Variants in GNG2 observed in about 807,000 individuals in gnomAD.
The protein encoded by GNG2 is guanine nucleotide-binding protein G(I)/G(S)/G(O) subunit gamma-2.
A neutral mutation model predicts 5.5 loss-of-function variants in GNG2; 5 were observed. That is an observed-to-expected ratio of 0.91 (90% CI 0.48 to 1.92). The LOEUF (loss-of-function observed/expected upper bound fraction) is 1.92, where lower values mean the gene tolerates loss of function less well. Ranked by LOEUF, GNG2 falls within the 30% of genes most tolerant of loss-of-function variation. The probability of loss-of-function intolerance (pLI) is 0.01; values close to 1 mark genes in which losing one functional copy is unlikely to be tolerated. For missense variants in GNG2, 55 were observed against 88.4 expected (o/e 0.62, Z 1.52); for synonymous variants, 28 against 32.0 (o/e 0.88, Z 0.42).
At chr14:51,827,155 A>G (rs1881051033) in intron 1 of GNG2, among the ~76,000 whole-genome samples, 1 of 152,224 alleles carries the variant, frequency 6.6e-6, no homozygotes, top group Non-Finnish European at 1.5e-5. Context: ...CCCAAGCCAC[A>G]TCCCAGGTGA....
intron 2 of GNG2, among the ~76,000 whole-genome samples, chr14:51,843,343 G>T (rs1346656911): frequency 6.6e-6 from 1 of 151,966 alleles, no homozygotes; most frequent in African/African-American, 2.4e-5. Context: ...ACACCTGACT[G>T]CCAACTGCTA....
At chr14:51,924,205 C>A (rs1158501485) in intron 2 of GNG2, among the ~76,000 whole-genome samples, 2 of 152,120 alleles carry the variant, frequency 1.3e-5, no homozygotes, top group African/African-American at 4.8e-5. Context: ...TCACTTGAGC[C>A]CGGTTTCTTA....
intron 2 of GNG2, among the ~76,000 whole-genome samples, chr14:51,880,321 ATTAT>A (rs1360939580): frequency 6.6e-6 from 1 of 152,182 alleles, no homozygotes; most frequent in African/African-American, 2.4e-5. Context: ...TATTTTATGT[ATTAT>A]TTATTAGGCT....
intron 2 of GNG2, among the ~76,000 whole-genome samples, chr14:51,902,608 A>T (rs1885641174): frequency 6.6e-6 from 1 of 152,250 alleles, no homozygotes; most frequent in South Asian, 2.1e-4. Flanking sequence ...AATTAAAGAA[A>T]TAGGCTAGGC....
chr14:51,923,355 G>T (rs541886749), intron 2 of GNG2, among the ~76,000 whole-genome samples: 156 of 152,214 alleles, frequency 1.0e-3, no homozygotes, highest in African/African-American at 3.6e-3. Flanking sequence ...GAACTGTAGA[G>T]GTTAAGAGAG....
intron 1 of GNG2, among the ~76,000 whole-genome samples, chr14:51,869,566 G>A (rs1883163527): frequency 6.6e-6 from 1 of 152,228 alleles, no homozygotes; most frequent in Non-Finnish European, 1.5e-5. Context: ...AGGCTGGGGT[G>A]CAGTGGCATG....
intron 2 of GNG2, among the ~76,000 whole-genome samples, chr14:51,897,005 T>C (rs1382893226): frequency 2.0e-5 from 3 of 152,194 alleles, no homozygotes; most frequent in Non-Finnish European, 2.9e-5. Flanking sequence ...GGAGGAATAG[T>C]GTTGAAACAA....
At chr14:51,881,701 C>CTTTT (rs58544362) in intron 2 of GNG2, among the ~76,000 whole-genome samples, 31 of 104,212 alleles carry the variant, frequency 3.0e-4, no homozygotes, top group Admixed American at 4.1e-4. Context: ...AGCTGGAAGA[C>CTTTT]TTTTTTTTTT....
chr14:51,952,883 A>G (rs1183533092), intron 3 of GNG2, among the ~76,000 whole-genome samples: 1 of 152,192 alleles, frequency 6.6e-6, no homozygotes, highest in Non-Finnish European at 1.5e-5. Context: ...ATTCCTCTTT[A>G]TTGAAAATCA....
chr14:51,926,660 G>A (rs1200616393), intron 2 of GNG2, among the ~76,000 whole-genome samples: 2 of 152,198 alleles, frequency 1.3e-5, no homozygotes, highest in Non-Finnish European at 2.9e-5. Flanking sequence ...ATTTTGCAGA[G>A]GGGAGGAGCC....
At chr14:51,859,013 C>T (rs952836165), upstream of GNG2, among the ~76,000 whole-genome samples, 6 of 152,190 alleles carry the variant, frequency 3.9e-5, no homozygotes, top group Non-Finnish European at 7.3e-5. Context: ...TCTAGGTTAA[C>T]GTGCTGTGGT....
intron 2 of GNG2, among the ~76,000 whole-genome samples, chr14:51,909,999 T>G (rs1423908119): frequency 1.3e-5 from 2 of 152,210 alleles, no homozygotes; most frequent in Non-Finnish European, 2.9e-5. Context: ...CATTCATGGA[T>G]TCATTCAACA....
chr14:51,959,082 A>T (rs1239098791), intron 3 of GNG2, among the ~76,000 whole-genome samples: 1 of 151,730 alleles, frequency 6.6e-6, no homozygotes, highest in Non-Finnish European at 1.5e-5. Flanking sequence ...TTCACAGGCT[A>T]CTCCTTTTAA....
chr14:51,913,706 CTAGAT>C (rs1289231472), intron 2 of GNG2, among the ~76,000 whole-genome samples: 1 of 152,062 alleles, frequency 6.6e-6, no homozygotes, highest in Non-Finnish European at 1.5e-5. Flanking sequence ...AAGCTGTGCT[CTAGAT>C]AAAGGAATAA....
chr14:51,829,348 T>A (rs1405192480), intron 2 of GNG2, among the ~76,000 whole-genome samples: 1 of 152,174 alleles, frequency 6.6e-6, no homozygotes, highest in African/African-American at 2.4e-5. Flanking sequence ...TGCAAGCTAT[T>A]GATCATACCA....
chr14:51,884,472 T>C (rs1884307149), intron 2 of GNG2, among the ~76,000 whole-genome samples: 1 of 152,204 alleles, frequency 6.6e-6, no homozygotes, highest in Non-Finnish European at 1.5e-5. Flanking sequence ...AAGCTGTGGT[T>C]CCCAGAGGTT....
intron 2 of GNG2, among the ~76,000 whole-genome samples, chr14:51,890,891 T>G (rs1234581574): frequency 1.6e-5 from 1 of 61,084 alleles, no homozygotes; most frequent in African/African-American, 8.1e-5. Context: ...TTATTTCATA[T>G]ACACATGGTA....
At chr14:51,829,703 A>G (rs4901159) in intron 2 of GNG2, among the ~76,000 whole-genome samples, 57,159 of 151,486 alleles carry the variant, frequency 0.38, 11,159 homozygotes, top group Non-Finnish European at 0.41. Flanking sequence ...CATTAAACTC[A>G]CTCCTGTCAG....
At position 51,848,221 on chromosome 14, in the gene GNG2, G is replaced by C. The variant is rs572533001; in HGVS notation, c.64+20414G>C. Among the ~76,000 whole-genome samples, 255 of 152,150 alleles carry C rather than the reference G, an allele frequency of 1.7e-3. 1 individual carries two copies. The highest frequency in any genetic ancestry group is 5.8e-3 in the African/African-American group (240 of 41,508). ...TTTACTATTTGTCATCCTAAGCCAA[G>C]CCAACATCATCTTTCTAAATTCCAA... On this transcript the variant is annotated intron_variant, in intron 2 of 3. Coordinates refer to the GNG2 transcript ENST00000553432.
Sources: allele counts gnomAD v4.1 joint callset (sites outside exome capture counted in the v4.1 genomes callset), GRCh38; gene constraint gnomAD v4.1.1; transcripts MANE v1.5; gene names NCBI Gene and HGNC (gene_info 2026-07-23, HGNC 2026-07-21).